Variants in PRKN observed in about 807,000 individuals in gnomAD.
PRKN encodes the protein parkin RBR E3 ubiquitin protein ligase.
A neutral mutation model predicts 59.5 loss-of-function variants in PRKN; 56 were observed. The ratio of observed to expected loss-of-function variants is 0.94; its 90% CI spans 0.76 to 1.18. PRKN has a LOEUF of 1.18. Ranked by LOEUF, PRKN falls within the 50% of genes most tolerant of loss-of-function variation. The pLI, the probability that PRKN is intolerant of heterozygous loss-of-function variation, is 0.00. For synonymous variants in PRKN, 250 were observed against 222.1 expected, an observed-to-expected ratio of 1.13 and a Z score of -1.12; for missense variants, 657 against 596.4, an observed-to-expected ratio of 1.10 and a Z score of -1.06.
At chr6:162,530,857 G>A (rs1778480775) in intron 1 of PRKN, among the ~76,000 whole-genome samples, 2 of 151,968 alleles carry the variant, frequency 1.3e-5, no homozygotes, top group South Asian at 4.1e-4. Context: ...AGGAATTTGA[G>A]ACCAGCCTGT....
At chr6:162,286,328 C>T (rs757728751) in intron 2 of PRKN, among the ~76,000 whole-genome samples, 5 of 152,070 alleles carry the variant, frequency 3.3e-5, no homozygotes, top group South Asian at 4.1e-4. Flanking sequence ...TCTTTATAGC[C>T]GTGAGCCTTG....
chr6:161,880,921 C>T (rs1163079064), intron 6 of PRKN, among the ~76,000 whole-genome samples: 3 of 152,164 alleles, frequency 2.0e-5, no homozygotes, highest in Non-Finnish European at 4.4e-5. Context: ...GAGATTGTTT[C>T]CCCAACACCT....
chr6:162,596,745 A>G (rs960250139), intron 1 of PRKN, among the ~76,000 whole-genome samples: 3 of 152,190 alleles, frequency 2.0e-5, no homozygotes, highest in African/African-American at 7.2e-5. Flanking sequence ...AATCTTAACT[A>G]CAGTCATATT....
At chr6:162,201,428 C>T (rs1237126072) in intron 3 of PRKN, among the ~76,000 whole-genome samples, 176 bp from the exon 4 acceptor site, 1 of 152,170 alleles carries the variant, frequency 6.6e-6, no homozygotes, top group East Asian at 1.9e-4. Context: ...GAAAATCTAA[C>T]TTTATGCTCC....
At chr6:162,429,054 C>T (rs1228256888) in intron 2 of PRKN, among the ~76,000 whole-genome samples, 4 of 152,186 alleles carry the variant, frequency 2.6e-5, no homozygotes, top group Non-Finnish European at 4.4e-5. Context: ...CTGAAATTTA[C>T]CATTTTTATT....
chr6:161,916,021 T>G (rs1046422304), intron 6 of PRKN, among the ~76,000 whole-genome samples: 2 of 151,910 alleles, frequency 1.3e-5, no homozygotes, highest in Non-Finnish European at 2.9e-5. Context: ...AAAATAGCTA[T>G]GAATTTACTG....
At chr6:162,544,985 A>T (rs1443555087) in intron 1 of PRKN, among the ~76,000 whole-genome samples, 2 of 149,400 alleles carry the variant, frequency 1.3e-5, no homozygotes, top group East Asian at 4.2e-4. Flanking sequence ...CCTCAAGTTC[A>T]TTTTAAAATC....
chr6:161,524,633 A>G (rs1562503990), intron 9 of PRKN, among the ~76,000 whole-genome samples: 1 of 152,152 alleles, frequency 6.6e-6, no homozygotes, highest in Non-Finnish European at 1.5e-5. Context: ...TGAATTCCAG[A>G]GGGATTATGC....
At chr6:162,005,698 C>T (rs1476661989) in intron 5 of PRKN, among the ~76,000 whole-genome samples, 2 of 152,086 alleles carry the variant, frequency 1.3e-5, no homozygotes, top group African/African-American at 4.8e-5. Flanking sequence ...GCTCAGTTTA[C>T]TTTTCCAAGT....
At chr6:162,506,480 A>T (rs539053500) in intron 1 of PRKN, among the ~76,000 whole-genome samples, 1 of 152,164 alleles carries the variant, frequency 6.6e-6, no homozygotes, top group Non-Finnish European at 1.5e-5. Flanking sequence ...GAGATCTTGG[A>T]GAAAGTCTAT....
chr6:162,624,515 G>C (rs536925367), intron 1 of PRKN: 15 of 152,332 alleles, frequency 9.8e-5, no homozygotes, highest in African/African-American at 3.6e-4. Flanking sequence ...CACATCGGAA[G>C]CTGAAGCCAC....
At chr6:161,568,971 G>GT (rs1396823649) in intron 8 of PRKN, among the ~76,000 whole-genome samples, 1 of 127,016 alleles carries the variant, frequency 7.9e-6, no homozygotes, top group Non-Finnish European at 1.6e-5. Flanking sequence ...CAAAAACCTG[G>GT]TAAAAAAAAA....
At chr6:162,030,291 G>A (rs779033901) in intron 5 of PRKN, among the ~76,000 whole-genome samples, 6 of 152,066 alleles carry the variant, frequency 3.9e-5, no homozygotes, top group Non-Finnish European at 5.9e-5. Context: ...GCAGCTCCCC[G>A]TTATCTGCCC....
rs1236594958 is a variant in PRKN, at chr6:162,219,603, G to A, written c.413-18351C>T. ...CTTGTGCATCATCCAATGGTCCTCC[G>A]CAGCATGGAGGAAAAAAAAAAAAAC... is the stretch of plus-strand genomic sequence containing the variant. On this transcript the variant is annotated intron_variant, in intron 3 of 11. Transcript: ENST00000366898. Among the ~76,000 whole-genome samples, 12 of 148,544 alleles carry A rather than the reference G, an allele frequency of 8.1e-5. 1 individual carries two copies. The highest frequency in any genetic ancestry group is 1.8e-4 in the Non-Finnish European group (12 of 67,386).
In PRKN at chr6:161,445,092, G is replaced by A. The variant is rs60513149; in HGVS notation, c.1084-58215C>T. Reference sequence around the variant, plus strand: ...CTTCAGGGACCAGATGCCAGGGCTGGCACATCTGCCTAAAACCCATAATTC... The same window carrying A: ...CTTCAGGGACCAGATGCCAGGGCTGACACATCTGCCTAAAACCCATAATTC... On this transcript the variant is annotated intron_variant, in intron 9 of 11. Transcript: ENST00000366898. This position sits in a 1 kb window ranked among gnomAD's most constrained non-coding sequence, Gnocchi z 7.7. Among the ~76,000 whole-genome samples, 5,498 of 152,100 alleles carry A rather than the reference G, an allele frequency of 0.036. 341 individuals are homozygous for A. Among genetic ancestry groups the A allele is most frequent in the African/African-American group, 0.12 (5,153 of 41,446 alleles).
chr6:161,566,392 T>G lies in PRKN; in HGVS notation c.933+2963A>C, dbSNP rs1780643166. Among the ~76,000 whole-genome samples, 1 of 152,116 alleles carries G rather than the reference T, an allele frequency of 6.6e-6. No homozygotes were observed. The highest frequency in any genetic ancestry group is 2.4e-5 in the African/African-American group (1 of 41,426). ...CCCAGGTCATGATACCTGCCTGGAT[T>G]TTTTCCCACCTTATTATCATTATTA... On this transcript the variant is annotated intron_variant, in intron 8 of 11. Coordinates refer to ENST00000366898, the MANE Select transcript of PRKN (RefSeq NM_004562.3). The surrounding 1 kb of genome is among the most constrained non-coding windows in gnomAD (Gnocchi z 4.1).
intron 2 of PRKN, among the ~76,000 whole-genome samples, chr6:162,430,161 C>T (rs966897450): frequency 2.2e-5 from 3 of 136,942 alleles, no homozygotes; most frequent in Non-Finnish European, 3.1e-5. Flanking sequence ...ATGACGATGA[C>T]GACGACGACG....
At position 161,417,439 on chromosome 6, in the gene PRKN, A is replaced by G. The variant is rs1374494503; in HGVS notation, c.1084-30562T>C. Among the ~76,000 whole-genome samples the G allele has an allele frequency of 7.5e-5, 10 of 133,890 alleles. No individual in the cohort carries two copies. The highest frequency in any genetic ancestry group is 2.5e-4 in the Admixed American group (3 of 11,988). 87.8% of individuals were successfully genotyped at this position (133,890 alleles called of 152,430 possible). A position where few individuals can be genotyped will look rare whatever the true frequency, so the allele number is the denominator to read the frequency against. Reference sequence around the variant, plus strand: ...CACTCCAGCCTGGCAACAGAGCCAGACGCCGTTTCAAAAAAAAAAAAAAAA... The same window carrying G: ...CACTCCAGCCTGGCAACAGAGCCAGGCGCCGTTTCAAAAAAAAAAAAAAAA... On this transcript the variant is annotated intron_variant, in intron 9 of 11. Transcript: ENST00000366898. The surrounding 1 kb of genome is among the most constrained non-coding windows in gnomAD (Gnocchi z 5.4).
intron 6 of PRKN, among the ~76,000 whole-genome samples, chr6:161,832,737 C>T (rs1792559882): frequency 6.6e-6 from 1 of 151,864 alleles, no homozygotes; most frequent in African/African-American, 2.4e-5. Flanking sequence ...GACACAATGA[C>T]ATGCGCCATC....
Sources: allele counts gnomAD v4.1 joint callset (sites outside exome capture counted in the v4.1 genomes callset), GRCh38; gene constraint gnomAD v4.1.1; non-coding constraint Gnocchi (gnomAD v3.1); transcripts MANE v1.5; gene names NCBI Gene and HGNC (gene_info 2026-07-23, HGNC 2026-07-21).